The following JAKMIP3 variants were observed in gnomAD, a reference collection of about 807,000 sequenced individuals.
The protein encoded by JAKMIP3 is Janus kinase and microtubule interacting protein 3.
JAKMIP3 carries 58 observed loss-of-function variants against 118.5 expected under a neutral mutation model. That is an observed-to-expected ratio of 0.49 (90% CI 0.40 to 0.61). The LOEUF is 0.61. Among genes scored for constraint, JAKMIP3 ranks in the 20% least tolerant of loss-of-function variants. The pLI is 0.00. For missense variants in JAKMIP3, 950 were observed against 1,109.0 expected, an observed-to-expected ratio of 0.86 and a Z score of 2.04; for synonymous variants, 486 against 451.2, an observed-to-expected ratio of 1.08 and a Z score of -0.98.
chr10:132,111,668 C>T (rs2046899890), intron 2 of JAKMIP3, among the ~76,000 whole-genome samples: 1 of 152,136 alleles, frequency 6.6e-6, no homozygotes, highest in Non-Finnish European at 1.5e-5. Flanking sequence ...CTGGGCATCC[C>T]ACCATGGCGA....
intron 19 of JAKMIP3, among the ~76,000 whole-genome samples, chr10:132,156,813 A>T (rs1448478961): frequency 6.6e-6 from 1 of 152,184 alleles, no homozygotes; most frequent in East Asian, 1.9e-4. Flanking sequence ...GAGGTTTTTA[A>T]ATCCAGCCCA....
intron 1 of JAKMIP3, among the ~76,000 whole-genome samples, chr10:132,041,298 G>T (rs1031283063): frequency 4.6e-5 from 7 of 152,228 alleles, no homozygotes; most frequent in Admixed American, 2.6e-4. Context: ...AAACTGGAGT[G>T]CATATGTTTC....
rs943352446 is a variant in JAKMIP3, at chr10:132,137,269, G to T, written c.1264G>T (p.Gly422Cys). The change falls in exon 8 of 24, where the codon GGC (glycine) becomes TGC (cysteine). Residue 422 changes from glycine to cysteine, a missense_variant. By Grantham distance (159) the Gly-to-Cys change is radical. Coordinates refer to ENST00000684848, the MANE Select transcript of JAKMIP3 (RefSeq NM_001323087.2). ...DELSKTLETA[G>C]YVKSVLERDK... is the part of the protein sequence containing the mutation. ...CCTTTCCTAGACCCTTGAGACCGCC[G>T]GCTACGTGAAGAGCGTGTTAGTAAG... 1.9e-6 allele frequency: 3 copies of T among 1,613,742 alleles called. No homozygotes were observed. Among genetic ancestry groups the T allele is most frequent in the Non-Finnish European group, 2.5e-6 (3 of 1,179,900 alleles).
chr10:132,105,327 A>G (rs1007162760), intron 2 of JAKMIP3, among the ~76,000 whole-genome samples: 2 of 152,234 alleles, frequency 1.3e-5, no homozygotes, highest in Non-Finnish European at 2.9e-5. Flanking sequence ...GTGGGCAGGT[A>G]TGGCTCTCAC....
At chr10:132,071,205 G>A (rs2039788768) in intron 1 of JAKMIP3, among the ~76,000 whole-genome samples, 2 of 146,648 alleles carry the variant, frequency 1.4e-5, no homozygotes, top group African/African-American at 5.0e-5. Flanking sequence ...TAATCCAGAT[G>A]TTTCCTTTTT....
At chr10:132,176,694 G>T (rs139432653) in intron 23 of JAKMIP3, among the ~76,000 whole-genome samples, 1 of 152,220 alleles carries the variant, frequency 6.6e-6, no homozygotes, top group East Asian at 1.9e-4. Flanking sequence ...GGGTGTTTGT[G>T]CTTGGAATCA....
chr10:132,149,608 A>C (rs1222016796), intron 15 of JAKMIP3, 98 bp downstream of exon 15: 287 of 107,764 alleles, frequency 2.7e-3, no homozygotes, highest in South Asian at 8.5e-3. Flanking sequence ...CCCCCGCCCC[A>C]CCCCCCTCCG....
At chr10:132,121,626 G>C (rs1362671697) in intron 3 of JAKMIP3, among the ~76,000 whole-genome samples, 4 of 152,206 alleles carry the variant, frequency 2.6e-5, no homozygotes. Flanking sequence ...TCCACCCCCA[G>C]GTGTGGGCAC....
rs1554963106 is a variant in JAKMIP3 at position 132,180,664 on chromosome 10, T to TGTGC, written c.*1104-1692_*1104-1691insTGCG. Among the ~76,000 whole-genome samples the TGTGC allele has an allele frequency of 3.8e-4, 12 of 31,652 alleles. 1 individual carries two copies. Among genetic ancestry groups the TGTGC allele is most frequent in the East Asian group, 2.4e-3 (3 of 1,228 alleles). The allele number at this position is 31,652 out of a possible 152,430, so 20.8% of individuals were successfully genotyped here. Reference sequence around the variant, plus strand: ...GTGTGTGCGTGTGCGTGTGCGTGTGTGCGTGTGTGTGCGCGCGCGTGTGTG... The same window carrying TGTGC: ...GTGTGTGCGTGTGCGTGTGCGTGTGTGTGCGCGTGTGTGTGCGCGCGCGTGTGTG... On this transcript the variant is annotated intron_variant, in intron 23 of 23. Coordinates refer to ENST00000684848, the MANE Select transcript of JAKMIP3 (RefSeq NM_001323087.2).
chr10:132,076,770 G>T (rs2040862261), intron 1 of JAKMIP3, among the ~76,000 whole-genome samples: 1 of 148,814 alleles, frequency 6.7e-6, no homozygotes, highest in African/African-American at 2.5e-5. Context: ...GCCTGAGGTG[G>T]CCCCGGGTCT....
chr10:132,156,005 T>TG (rs1016938601), intron 19 of JAKMIP3, among the ~76,000 whole-genome samples: 1 of 152,154 alleles, frequency 6.6e-6, no homozygotes, highest in Non-Finnish European at 1.5e-5. Flanking sequence ...CTCTGGGCCT[T>TG]GCATGCTTTG....
intron 3 of JAKMIP3, among the ~76,000 whole-genome samples, chr10:132,131,348 C>T (rs1038557615): frequency 4.7e-5 from 7 of 148,442 alleles, no homozygotes; most frequent in African/African-American, 1.5e-4. Context: ...CAGGACTTAA[C>T]GAGTGAGGGT....
chr10:132,156,565 A>G (rs1422552107), intron 19 of JAKMIP3, among the ~76,000 whole-genome samples: 1 of 152,030 alleles, frequency 6.6e-6, no homozygotes, highest in East Asian at 1.9e-4. Flanking sequence ...CCCATCCCTG[A>G]TTGACACTGC....
chr10:132,143,756 G>T (rs1023707696), intron 11 of JAKMIP3: 1 of 152,230 alleles, frequency 6.6e-6, no homozygotes, highest in African/African-American at 2.4e-5. Context: ...GGGCAGGAGA[G>T]GACAGGCGTC....
At chr10:132,144,808 G>T in intron 11 of JAKMIP3, 1 of 299,852 alleles carries the variant, frequency 3.3e-6, no homozygotes, top group Non-Finnish European at 6.3e-6. Flanking sequence ...GCATACCTGT[G>T]GTCCCAGTTA....
At chr10:132,125,413 C>G (rs927175227) in intron 3 of JAKMIP3, among the ~76,000 whole-genome samples, 1 of 152,272 alleles carries the variant, frequency 6.6e-6, no homozygotes, top group Non-Finnish European at 1.5e-5. Context: ...GGCCCCGTTA[C>G]GTTCTGCTGG....
rs139999094 is a variant in JAKMIP3, at chr10:132,142,549, C to T, written c.1602+501C>T. Among the ~76,000 whole-genome samples the T allele has an allele frequency of 7.6e-3, 1,150 of 151,836 alleles. 14 individuals carry two copies. The highest frequency in any genetic ancestry group is 0.026 in the African/African-American group (1,083 of 41,074). On this transcript the variant is annotated intron_variant, in intron 11 of 23. Transcript: ENST00000684848. ...CAGCACCCCAGCAGCCGTGTCCCTCCGCCCACTTCCCTGGCTCACCTTAGC... is the reference window on the plus strand; with the variant it reads ...CAGCACCCCAGCAGCCGTGTCCCTCTGCCCACTTCCCTGGCTCACCTTAGC...
chr10:132,155,648 C>A (rs987273136), intron 19 of JAKMIP3, among the ~76,000 whole-genome samples: 2 of 152,222 alleles, frequency 1.3e-5, no homozygotes, highest in Non-Finnish European at 1.5e-5. Context: ...AGCTGGTAAC[C>A]ACTAGGGATT....
chr10:132,176,350 C>G (rs906547623), intron 23 of JAKMIP3, among the ~76,000 whole-genome samples: 1 of 152,214 alleles, frequency 6.6e-6, no homozygotes, highest in East Asian at 1.9e-4. Context: ...TCCCCTCATC[C>G]TCAGCACAGC....
Sources: allele counts gnomAD v4.1 joint callset (sites outside exome capture counted in the v4.1 genomes callset), GRCh38; gene constraint gnomAD v4.1.1; transcripts MANE v1.5; gene names NCBI Gene and HGNC (gene_info 2026-07-23, HGNC 2026-07-21).